The following SEMA5A variants were observed in gnomAD, a reference collection of about 807,000 sequenced individuals.
The protein encoded by SEMA5A is semaphorin 5A, also known as semaphorin-5A.
Under a neutral mutation model 135.5 loss-of-function variants are expected in SEMA5A, and 55 were observed. The observed-to-expected ratio is 0.41, with a 90% CI of 0.33 to 0.51. The LOEUF (loss-of-function observed/expected upper bound fraction) is 0.51. Among genes scored for constraint, SEMA5A ranks in the 20% least tolerant of loss-of-function variants. SEMA5A has a pLI of 0.37. For missense variants in SEMA5A, 1,290 were observed against 1,419.9 expected (o/e 0.91, Z 1.47); for synonymous variants, 580 against 546.5 (o/e 1.06, Z -0.85).
At chr5:9,138,972 C>T (rs1741914581) in intron 12 of SEMA5A, among the ~76,000 whole-genome samples, 1 of 152,120 alleles carries the variant, frequency 6.6e-6, no homozygotes, top group Non-Finnish European at 1.5e-5. Context: ...ATATATGTAT[C>T]ACAGTTTCTT....
chr5:9,301,022 A>G (rs1751586141), intron 5 of SEMA5A, among the ~76,000 whole-genome samples: 1 of 152,202 alleles, frequency 6.6e-6, no homozygotes, highest in South Asian at 2.1e-4. Context: ...ATCCCTAGAA[A>G]GCTAATACAC....
At chr5:9,504,235 A>AC (rs1561304259) in intron 1 of SEMA5A, among the ~76,000 whole-genome samples, 4 of 151,476 alleles carry the variant, frequency 2.6e-5, no homozygotes, top group East Asian at 1.9e-4. Flanking sequence ...AAAAAAAAAA[A>AC]AAAACAAAAG....
intron 19 of SEMA5A, among the ~76,000 whole-genome samples, chr5:9,053,422 A>G (rs1023745024): frequency 3.9e-5 from 6 of 152,192 alleles, no homozygotes; most frequent in Non-Finnish European, 8.8e-5. Context: ...GTGCTCCTCC[A>G]CTTACTGATT....
At chr5:9,397,961 C>T (rs1375678842) in intron 2 of SEMA5A, among the ~76,000 whole-genome samples, 2 of 152,164 alleles carry the variant, frequency 1.3e-5, no homozygotes, top group African/African-American at 2.4e-5. Context: ...CCATGTTGAT[C>T]ACGATTCCCT....
chr5:9,323,662 T>C (rs1301748564), intron 4 of SEMA5A, among the ~76,000 whole-genome samples: 1 of 146,830 alleles, frequency 6.8e-6, no homozygotes, highest in African/African-American at 2.5e-5. Flanking sequence ...TTTTCCTTTT[T>C]TTTTTTTTTT....
At chr5:9,441,338 A>G (rs1758225058) in intron 1 of SEMA5A, among the ~76,000 whole-genome samples, 1 of 152,188 alleles carries the variant, frequency 6.6e-6, no homozygotes, top group Non-Finnish European at 1.5e-5. Context: ...ATATTAAAAG[A>G]CACAGTGAAG....
chr5:9,453,013 A>G (rs1477064587), intron 1 of SEMA5A, among the ~76,000 whole-genome samples: 3 of 152,218 alleles, frequency 2.0e-5, no homozygotes, highest in Non-Finnish European at 4.4e-5. Flanking sequence ...ACAGATACTC[A>G]CTGACATAGA....
intron 11 of SEMA5A, among the ~76,000 whole-genome samples, chr5:9,174,148 T>C (rs1174873815): frequency 6.6e-6 from 1 of 152,230 alleles, no homozygotes; most frequent in African/African-American, 2.4e-5. Context: ...CTGGGACAAG[T>C]ATGCAGTTAG....
chr5:9,353,118 A>AAAGGG (rs1754229531), intron 3 of SEMA5A, among the ~76,000 whole-genome samples: 5 of 64,464 alleles, frequency 7.8e-5, no homozygotes, highest in African/African-American at 3.3e-4. Flanking sequence ...AAAGGAAAGG[A>AAAGGG]AAGGAAAGGA....
chr5:9,385,519 A>C (rs999076192), intron 2 of SEMA5A, among the ~76,000 whole-genome samples: 8 of 152,246 alleles, frequency 5.3e-5, no homozygotes, highest in Non-Finnish European at 1.2e-4. Context: ...CAGAGAGTCC[A>C]CAAACCCCTC....
At chr5:9,473,383 T>TTAAAAAAA (rs375160174) in intron 1 of SEMA5A, among the ~76,000 whole-genome samples, 5 of 79,706 alleles carry the variant, frequency 6.3e-5, no homozygotes, top group African/African-American at 2.5e-4. Flanking sequence ...CAATCAGTGG[T>TTAAAAAAA]AAAAAAAAAA....
At chr5:9,456,426 A>C (rs535090467) in intron 1 of SEMA5A, among the ~76,000 whole-genome samples, 3 of 152,310 alleles carry the variant, frequency 2.0e-5, no homozygotes, top group African/African-American at 7.2e-5. Context: ...AGAAAATTAA[A>C]AACTCTAACC....
At chr5:9,235,473 A>T (rs1456562747) in intron 6 of SEMA5A, among the ~76,000 whole-genome samples, 1 of 152,188 alleles carries the variant, frequency 6.6e-6, no homozygotes, top group Non-Finnish European at 1.5e-5. Context: ...GAGAAACCCT[A>T]AATTAAAGTT....
At chr5:9,320,341 G>T (rs561941091) in intron 4 of SEMA5A, among the ~76,000 whole-genome samples, 142 of 152,264 alleles carry the variant, frequency 9.3e-4, no homozygotes, top group Non-Finnish European at 1.7e-3. Context: ...CCAGGTTAAG[G>T]ATACCTCTGA....
At chr5:9,177,581 T>A (rs1031127042) in intron 11 of SEMA5A, among the ~76,000 whole-genome samples, 1 of 152,246 alleles carries the variant, frequency 6.6e-6, no homozygotes, top group East Asian at 1.9e-4. Context: ...CTTGTTCATC[T>A]TTGTTCACAA....
chr5:9,400,614 C>T lies in SEMA5A; in HGVS notation c.-77-20591G>A, dbSNP rs974303604. Among the ~76,000 whole-genome samples the T allele has an allele frequency of 3.6e-4, 23 of 64,552 alleles. 5 individuals carry two copies. The highest frequency in any genetic ancestry group is 1.2e-3 in the African/African-American group (17 of 14,266). The allele number at this position is 64,552 out of a possible 152,430, so 42.3% of individuals were successfully genotyped here. A position where few individuals can be genotyped will look rare whatever the true frequency, so the allele number is the denominator to read the frequency against. On this transcript the variant is annotated intron_variant, in intron 2 of 22. Transcript: ENST00000382496. ...CTCCGCCTCCCGGGTTCACGCCATT[C>T]TCCCGCCTCAGCCTCCCAAGTAGCT...
At chr5:9,379,729 T>C in intron 3 of SEMA5A, 94 bp downstream of exon 3, 1 of 1,454,938 alleles carries the variant, frequency 6.9e-7, no homozygotes, top group Non-Finnish European at 9.4e-7. Flanking sequence ...CACTGGATTA[T>C]ACAGCATTCG....
chr5:9,523,419 T>G (rs1484688337), intron 1 of SEMA5A, among the ~76,000 whole-genome samples: 1 of 152,158 alleles, frequency 6.6e-6, no homozygotes, highest in Non-Finnish European at 1.5e-5. Context: ...GTGAAAATCC[T>G]TCCTAGGATG....
chr5:9,521,039 G>A (rs1736797766), intron 1 of SEMA5A, among the ~76,000 whole-genome samples: 1 of 152,214 alleles, frequency 6.6e-6, no homozygotes, highest in Non-Finnish European at 1.5e-5. Context: ...GTTAGCAATA[G>A]GGGAACCTGG....
Sources: gnomAD v4.1 joint callset for allele counts (sites outside exome capture counted in the v4.1 genomes callset) on GRCh38, gnomAD v4.1.1 for gene constraint, MANE v1.5 for transcripts, NCBI Gene and HGNC (gene_info 2026-07-23, HGNC 2026-07-21) for gene names.